Variants in DIAPH2 observed in about 807,000 individuals in gnomAD.
DIAPH2 encodes protein diaphanous homolog 2.
Under a neutral mutation model 92.7 loss-of-function variants are expected in DIAPH2, and 35 were observed. The observed-to-expected ratio is 0.38, with a 90% CI of 0.29 to 0.50. The LOEUF (loss-of-function observed/expected upper bound fraction) is 0.50, where lower values mean the gene tolerates loss of function less well. Ranked by LOEUF, DIAPH2 falls within the 20% of genes least tolerant of loss-of-function variation. DIAPH2 has a pLI of 0.94. For missense variants in DIAPH2, 701 were observed against 819.5 expected (o/e 0.86, Z 1.77); for synonymous variants, 301 against 280.4 (o/e 1.07, Z -0.73).
At chrX:97,193,012 C>CTTTTCTTTTTTTTTTTTTTT (rs1256888466) in intron 22 of DIAPH2, among the ~76,000 whole-genome samples, 9 of 86,593 alleles carry the variant, frequency 1.0e-4, no homozygotes, top group African/African-American at 3.5e-4. Flanking sequence ...TTTTTCTTTT[C>CTTTTCTTTTTTTTTTTTTTT]TTTTTTTTTT....
At chrX:97,041,177 G>A (rs1424157900) in intron 17 of DIAPH2, among the ~76,000 whole-genome samples, 2 of 110,502 alleles carry the variant, frequency 1.8e-5, no homozygotes, top group Non-Finnish European at 3.8e-5. Flanking sequence ...CTTGTGGTAG[G>A]CATTCTGACA....
intron 23 of DIAPH2, among the ~76,000 whole-genome samples, chrX:97,265,543 G>C (rs11796806): frequency 4.5e-5 from 5 of 110,700 alleles, no homozygotes; most frequent in Non-Finnish European, 9.5e-5. Flanking sequence ...TTTTTGTCGT[G>C]GTGACGTTTG....
intron 4 of DIAPH2, among the ~76,000 whole-genome samples, chrX:96,832,473 C>G (rs902339254): frequency 9.1e-6 from 1 of 109,971 alleles, no homozygotes; most frequent in Admixed American, 9.8e-5. Context: ...CAGAGAGGGG[C>G]TCCTAAAAGA....
intron 23 of DIAPH2, among the ~76,000 whole-genome samples, chrX:97,296,808 G>A (rs1184268802): frequency 1.2e-5 from 1 of 85,234 alleles, no homozygotes; most frequent in Non-Finnish European, 2.2e-5. Flanking sequence ...ACGGAGTTTT[G>A]CTCTTGTTGC....
intron 24 of DIAPH2, 90 bp downstream of exon 24, chrX:97,348,370 A>C: frequency 1.2e-6 from 1 of 815,095 alleles, no homozygotes; most frequent in Non-Finnish European, 1.7e-6. Context: ...CCTATTGACT[A>C]TATTGATTTC....
intron 17 of DIAPH2, among the ~76,000 whole-genome samples, chrX:97,025,567 G>T (rs759123133): frequency 9.1e-6 from 1 of 109,992 alleles, no homozygotes; most frequent in African/African-American, 3.3e-5. Context: ...CAGGAGAATG[G>T]CGTGAACCCG....
chrX:97,265,297 A>G (rs1368384840), intron 23 of DIAPH2, among the ~76,000 whole-genome samples: 2 of 112,038 alleles, frequency 1.8e-5, no homozygotes, highest in Non-Finnish European at 3.8e-5. Context: ...GGAGAGACTG[A>G]AAACAGGAAA....
chrX:97,366,000 T>A (rs1351810798), intron 24 of DIAPH2, among the ~76,000 whole-genome samples: 1 of 111,936 alleles, frequency 8.9e-6, no homozygotes, highest in Non-Finnish European at 1.9e-5. Context: ...GCTCATATCA[T>A]ATTGTTAATG....
chrX:96,939,601 T>TACACACAC (rs774399164), intron 12 of DIAPH2, among the ~76,000 whole-genome samples: 5 of 62,214 alleles, frequency 8.0e-5, no homozygotes, highest in Non-Finnish European at 1.3e-4. Context: ...TGTGTGTATA[T>TACACACAC]ACACACACAC....
chrX:97,095,333 G>T (rs559524), intron 19 of DIAPH2, among the ~76,000 whole-genome samples: 1 of 103,319 alleles, frequency 9.7e-6, no homozygotes, highest in East Asian at 3.0e-4. Context: ...AGCCAGGATG[G>T]TCTCGATCTC....
intron 22 of DIAPH2, among the ~76,000 whole-genome samples, chrX:97,168,883 A>G (rs756856898): frequency 8.9e-6 from 1 of 111,890 alleles, no homozygotes; most frequent in African/African-American, 3.2e-5. Context: ...TCTTTTTATA[A>G]AAGGCTTGCA....
chrX:97,432,662 T>C (rs1336604433), intron 26 of DIAPH2, among the ~76,000 whole-genome samples: 1 of 111,233 alleles, frequency 9.0e-6, no homozygotes, highest in South Asian at 3.8e-4. Context: ...AGTTTTTGTA[T>C]TTTTAGTAGA....
intron 26 of DIAPH2, among the ~76,000 whole-genome samples, chrX:97,542,622 G>A (rs2071148638): frequency 9.0e-6 from 1 of 111,670 alleles, no homozygotes; most frequent in Non-Finnish European, 1.9e-5. Context: ...TTTCTTGATG[G>A]TATTTTAGGT....
At chrX:96,860,557 C>A (rs2065067251) in intron 4 of DIAPH2, among the ~76,000 whole-genome samples, 2 of 111,730 alleles carry the variant, frequency 1.8e-5, no homozygotes, top group African/African-American at 6.5e-5. Context: ...TATACCAATC[C>A]TTGTATCTAT....
intron 4 of DIAPH2, among the ~76,000 whole-genome samples, chrX:96,837,433 C>CTCTCTCTGTGTGTG (rs1189132418): frequency 4.8e-5 from 2 of 41,345 alleles, no homozygotes; most frequent in East Asian, 7.8e-4. Flanking sequence ...CTCTCTCTCT[C>CTCTCTCTGTGTGTG]TGTGTGTGTG....
At position 96,775,269 on chromosome X, in the gene DIAPH2, T is replaced by C. The variant is rs1208339786; in HGVS notation, c.447+17011T>C. On this transcript the variant is annotated intron_variant, in intron 4 of 26. Coordinates refer to ENST00000324765, the MANE Select transcript of DIAPH2 (RefSeq NM_006729.5). ...TCTTTTTAATTGCTTTTAGAGTGTC[T>C]ACAGTTTGGGGCCTCAGAAGTGGAA... Among the ~76,000 whole-genome samples the C allele has an allele frequency of 4.5e-5, 5 of 109,894 alleles. No individual in the cohort carries two copies. The East Asian group carries it at 1.1e-3, about 25-fold the overall frequency.
At chrX:97,097,369 A>G (rs1446306859) in intron 19 of DIAPH2, among the ~76,000 whole-genome samples, 1 of 111,986 alleles carries the variant, frequency 8.9e-6, no homozygotes, top group South Asian at 3.7e-4. Context: ...CTTACTAAAC[A>G]GTGGCAGTTA....
rs754831612 is a variant in DIAPH2, at chrX:97,149,540, G to A, written c.2719+7746G>A. ...AGGTCAGGAGATCGAGACCATCCTG[G>A]CTAACACGGTGAAACCCCATCTCTA... On this transcript the variant is annotated intron_variant, in intron 22 of 26. Coordinates refer to ENST00000324765, the MANE Select transcript of DIAPH2 (RefSeq NM_006729.5). 1.6e-4 allele frequency among the ~76,000 whole-genome samples: 18 copies of A among 109,102 alleles called. No homozygotes were observed. The East Asian group carries it at 5.2e-3, about 31-fold the overall frequency. The allele number at this position is 109,102 out of a possible 115,157, so 94.7% of individuals were successfully genotyped here. A position where few individuals can be genotyped will look rare whatever the true frequency, so the allele number is the denominator to read the frequency against.
intron 16 of DIAPH2, among the ~76,000 whole-genome samples, chrX:96,962,442 CAT>C (rs1175762704): frequency 5.4e-5 from 3 of 55,561 alleles, no homozygotes; most frequent in Non-Finnish European, 9.3e-5. Context: ...TATATATATA[CAT>C]ATATACACAC....
Sources: gnomAD v4.1 joint callset for allele counts (sites outside exome capture counted in the v4.1 genomes callset) on GRCh38, gnomAD v4.1.1 for gene constraint, MANE v1.5 for transcripts, NCBI Gene and HGNC (gene_info 2026-07-23, HGNC 2026-07-21) for gene names.